Variants in ARHGAP25 observed in about 807,000 individuals in gnomAD.
ARHGAP25 encodes rho GTPase-activating protein 25.
In ARHGAP25, 34 loss-of-function variants were observed where a neutral mutation model predicts 71.0. That is an observed-to-expected ratio of 0.48 (90% CI 0.36 to 0.64). The LOEUF (loss-of-function observed/expected upper bound fraction) is 0.64. Ranked by LOEUF, ARHGAP25 falls within the 30% of genes least tolerant of loss-of-function variation. ARHGAP25 has a pLI of 0.00. For missense variants in ARHGAP25, 706 were observed against 805.1 expected (o/e 0.88, Z 1.49); for synonymous variants, 282 against 296.5 (o/e 0.95, Z 0.50).
At chr2:68,775,512 T>C in intron 2 of ARHGAP25, 92 bp downstream of exon 2, 1 of 1,577,358 alleles carries the variant, frequency 6.3e-7, no homozygotes, top group Non-Finnish European at 8.7e-7. Context: ...AGGGGCCTTC[T>C]CAATAGGACC....
chr2:68,716,964 T>C (rs1245016671), intron 2 of ARHGAP25, among the ~76,000 whole-genome samples: 1 of 152,254 alleles, frequency 6.6e-6, no homozygotes, highest in African/African-American at 2.4e-5. Flanking sequence ...GTTTCTGTTT[T>C]AGTTAAATAC....
intron 4 of ARHGAP25, among the ~76,000 whole-genome samples, chr2:68,794,412 A>G (rs770412488): frequency 2.2e-4 from 34 of 152,216 alleles, no homozygotes; most frequent in Non-Finnish European, 4.4e-4. Flanking sequence ...CATTTGTTGC[A>G]TATGACCTAT....
intron 4 of ARHGAP25, among the ~76,000 whole-genome samples, chr2:68,806,055 G>T (rs1573591475): frequency 6.6e-6 from 1 of 152,332 alleles, no homozygotes; most frequent in Middle Eastern, 3.4e-3. Context: ...ACAGAGCTGG[G>T]GTGGAGCTGG....
intron 6 of ARHGAP25, among the ~76,000 whole-genome samples, chr2:68,814,582 AG>A (rs1315871306): frequency 2.6e-5 from 4 of 152,172 alleles, no homozygotes; most frequent in African/African-American, 9.7e-5. Context: ...ATATAAGGGA[AG>A]GTTTATTATC....
At chr2:68,738,823 G>GA (rs35421866) in intron 1 of ARHGAP25, among the ~76,000 whole-genome samples, 20,724 of 98,236 alleles carry the variant, frequency 0.21, 1,845 homozygotes, top group Non-Finnish European at 0.28. Flanking sequence ...TCTGTCTCAA[G>GA]AAAAAAAAAA....
chr2:68,787,990 C>T, intron 4 of ARHGAP25, 34 bp downstream of exon 4: 1 of 1,534,030 alleles, frequency 6.5e-7, no homozygotes, highest in Non-Finnish European at 9.0e-7. Flanking sequence ...TGGGCAGGTG[C>T]CTATGACATC....
chr2:68,808,529 T>C (rs1438607065), intron 5 of ARHGAP25, among the ~76,000 whole-genome samples: 1 of 152,236 alleles, frequency 6.6e-6, no homozygotes, highest in Non-Finnish European at 1.5e-5. Flanking sequence ...GTGTCTTTCT[T>C]GCCCTTAATA....
chr2:68,782,560 A>G (rs1678417046), intron 3 of ARHGAP25, among the ~76,000 whole-genome samples: 2 of 152,224 alleles, frequency 1.3e-5, no homozygotes, highest in Admixed American at 6.5e-5. Context: ...CAACTCTGTA[A>G]GCATTTCATG....
chr2:68,785,589 TA>T (rs1444745445), intron 3 of ARHGAP25, among the ~76,000 whole-genome samples: 4 of 151,070 alleles, frequency 2.6e-5, no homozygotes, highest in African/African-American at 9.7e-5. Context: ...TATTAAATAA[TA>T]TCTCCATTGT....
chr2:68,769,880 A>G (rs1256686558), intron 1 of ARHGAP25, among the ~76,000 whole-genome samples: 1 of 152,220 alleles, frequency 6.6e-6, no homozygotes, highest in African/African-American at 2.4e-5. Context: ...GAGAAAGAGC[A>G]GGAAATGCAG....
intron 4 of ARHGAP25, among the ~76,000 whole-genome samples, chr2:68,801,803 G>A (rs1242636576): frequency 6.6e-6 from 1 of 152,220 alleles, no homozygotes; most frequent in African/African-American, 2.4e-5. Flanking sequence ...AGCTCTATGA[G>A]TAGAGGAAAG....
intron 1 of ARHGAP25, among the ~76,000 whole-genome samples, chr2:68,742,470 G>A (rs56082619): frequency 0.091 from 13,869 of 152,234 alleles, 757 homozygotes; most frequent in Non-Finnish European, 0.12. Flanking sequence ...ACTGTGTGAC[G>A]TTGGACCTCA....
At chr2:68,727,816 C>T (rs755989846) in intron 2 of ARHGAP25, among the ~76,000 whole-genome samples, 1 of 152,222 alleles carries the variant, frequency 6.6e-6, no homozygotes, top group Non-Finnish European at 1.5e-5. Context: ...ATGACGGTGA[C>T]AACCACAACC....
rs201345913 is a variant in ARHGAP25 at position 68,785,244 on chromosome 2, A to G, written c.350-2596A>G. 7.2e-5 allele frequency among the ~76,000 whole-genome samples: 11 copies of G among 152,350 alleles called. No individual in the cohort carries two copies. The East Asian group carries it at 2.1e-3, about 29-fold the overall frequency. ...GGAAAGTTTTGAGCAGAGGTGTGAC[A>G]TGACATAACTCATGTTTTAAAATTC... On this transcript the variant is annotated intron_variant, in intron 3 of 10. Transcript: ENST00000409202.
At chr2:68,816,559 G>A (rs1031759165) in intron 7 of ARHGAP25, 197 bp downstream of exon 7, 65 of 577,206 alleles carry the variant, frequency 1.1e-4, no homozygotes, top group Middle Eastern at 4.7e-4. Context: ...ACCAAAAAAT[G>A]AACGTGCTCC....
intron 1 of ARHGAP25, among the ~76,000 whole-genome samples, chr2:68,741,599 T>G (rs1428695600): frequency 6.6e-6 from 1 of 152,040 alleles, no homozygotes. Context: ...GATGGGGGAG[T>G]CTCACTATGT....
chr2:68,751,163 A>C (rs1411941878), intron 1 of ARHGAP25, among the ~76,000 whole-genome samples: 1 of 152,164 alleles, frequency 6.6e-6, no homozygotes, highest in Non-Finnish European at 1.5e-5. Context: ...AGAGGGGTTA[A>C]AGGATGCTCA....
chr2:68,757,086 A>T (rs563166989), intron 1 of ARHGAP25, among the ~76,000 whole-genome samples: 3 of 152,294 alleles, frequency 2.0e-5, no homozygotes, highest in African/African-American at 7.2e-5. Flanking sequence ...GAATCAACAA[A>T]CTTGTAGATA....
intron 1 of ARHGAP25, among the ~76,000 whole-genome samples, chr2:68,740,279 C>G (rs754093739): frequency 5.3e-5 from 8 of 152,174 alleles, no homozygotes; most frequent in Non-Finnish European, 1.2e-4. Context: ...GCCCCAGACT[C>G]GCTGTCTTTC....
Sources: allele counts gnomAD v4.1 joint callset (sites outside exome capture counted in the v4.1 genomes callset), GRCh38; gene constraint gnomAD v4.1.1; transcripts MANE v1.5; gene names NCBI Gene and HGNC (gene_info 2026-07-23, HGNC 2026-07-21).